The following ERI2 variants were observed in gnomAD, a reference collection of about 807,000 sequenced individuals.
ERI2 encodes the protein ERI1 exoribonuclease family member 2.
ERI2 carries 35 observed loss-of-function variants against 46.8 expected under a neutral mutation model. The ratio of observed to expected loss-of-function variants is 0.75; its 90% CI spans 0.57 to 0.99. The LOEUF is 0.99. ERI2 is among the 50% of genes least tolerant of loss of function. The pLI, the probability that ERI2 is intolerant of heterozygous loss-of-function variation, is 0.00. For synonymous variants in ERI2, 224 were observed against 271.0 expected (o/e 0.83, Z 1.70); for missense variants, 695 against 796.2 (o/e 0.87, Z 1.53).
At chr16:20,780,448 G>A (rs2080327461) in exon 11 of ERI2, 1 of 634,058 alleles carries the variant, frequency 1.6e-6, no homozygotes, top group Non-Finnish European at 2.6e-6. Flanking sequence ...TTTTAAAAAT[G>A]CTTCAATCCT....
Position 20,790,662 on chromosome 16 carries a change from C to A in ERI2, c.815+188G>T. The A allele has an allele frequency of 6.2e-7, 1 of 1,614,144 alleles. No homozygotes were observed. Among genetic ancestry groups the A allele is most frequent in the Non-Finnish European group, 8.5e-7 (1 of 1,179,992 alleles). On this transcript the variant is annotated intron_variant, in intron 9 of 10. Coordinates refer to the ERI2 transcript ENST00000300005. This position sits in a 1 kb window ranked among gnomAD's most constrained non-coding sequence, Gnocchi z 4.0. ...TGGCATTCAAGTTCTACCCAACCGA[C>A]CATTTGGCCTTTTTACTCATTACGT...
chr16:20,801,091 C>T (rs1177931482), intron 5 of ERI2, 112 bp downstream of exon 5: 1 of 1,034,314 alleles, frequency 9.7e-7, no homozygotes, highest in East Asian at 2.9e-5. Context: ...TTTTCCTAGC[C>T]CAGAAGATTA....
intron 10 of ERI2, among the ~76,000 whole-genome samples, chr16:20,785,900 AT>A (rs1395284915): frequency 2.0e-5 from 3 of 152,214 alleles, no homozygotes; most frequent in African/African-American, 7.2e-5. Flanking sequence ...TTATAACTAT[AT>A]TTTATACATA....
At chr16:20,793,830 C>T (rs918014275), downstream of ERI2, among the ~76,000 whole-genome samples, 3 of 152,190 alleles carry the variant, frequency 2.0e-5, no homozygotes, top group Admixed American at 2.0e-4. Context: ...CATTAGTCAT[C>T]ATCAGTTTTA....
At chr16:20,780,253 C>A in exon 11 of ERI2, 1 of 197,282 alleles carries the variant, frequency 5.1e-6, no homozygotes, top group Non-Finnish European at 1.1e-5. Context: ...TGCCAGTAGG[C>A]TGTAGTGTGT....
At chr16:20,804,490 C>A (rs1048304221) in intron 1 of ERI2, among the ~76,000 whole-genome samples, 1 of 151,874 alleles carries the variant, frequency 6.6e-6, no homozygotes, top group African/African-American at 2.4e-5. Context: ...CATGGTGAAA[C>A]CCCGTCTCTA....
rs780958509 is a variant in ERI2 at position 20,799,066 on chromosome 16, A to C, written c.734T>G (p.Val245Gly). The C allele has an allele frequency of 1.4e-5, 21 of 1,500,644 alleles. No individual in the cohort carries two copies. The highest frequency in any genetic ancestry group is 1.9e-5 in the Non-Finnish European group (21 of 1,129,058). 93.0% of individuals were successfully genotyped at this position (1,500,644 alleles called of 1,614,324 possible). A position where few individuals can be genotyped will look rare whatever the true frequency, so the allele number is the denominator to read the frequency against. The stretch of plus-strand genomic sequence containing the variant: ...AATGCTGAAATTCTTCTTAGTGGGA[A>C]CCTATGATTCCACAGACAAATGCAA... ...VMKITRSLNK[V>G]PTKKNFSILA... The change falls in exon 9 of 9, where the codon GTT becomes GGT. Residue 245 changes from valine to glycine, a missense_variant and splice_region_variant. By Grantham distance (109) the Val-to-Gly change is moderately radical. Transcript: ENST00000357967.
Position 20,797,971 on chromosome 16 carries a change from T to C in ERI2, c.1829A>G (p.Asn610Ser). 2 of 1,551,992 alleles carry C rather than the reference T, an allele frequency of 1.3e-6. No homozygotes were observed. The highest frequency in any genetic ancestry group is 1.7e-6 in the Non-Finnish European group (2 of 1,146,978). Residue 610 changes from asparagine (N) to serine (S), a missense_variant, in exon 9 of 9, where the codon AAT (asparagine) becomes AGT (serine). By Grantham distance (46) the Asn-to-Ser change is conservative. Transcript: ENST00000357967. Reference sequence around the variant, plus strand: ...GACTTTTCCATGGTTCGGTCCATTATTAGAAACAACAAGTCTCTTAGATCT... The same window carrying C: ...GACTTTTCCATGGTTCGGTCCATTACTAGAAACAACAAGTCTCTTAGATCT... Reference protein sequence around the residue: ...GRRSKRLVVSNNGPNHGKVFY... With the variant: ...GRRSKRLVVSSNGPNHGKVFY...
intron 10 of ERI2, among the ~76,000 whole-genome samples, chr16:20,789,248 T>C (rs77688657): frequency 0.05 from 7,562 of 152,278 alleles, 417 homozygotes; most frequent in African/African-American, 0.13. Context: ...AGCTCAATCA[T>C]GCACAGTGTT....
At chr16:20,793,470 A>AAAAAAT (rs56924318), downstream of ERI2, among the ~76,000 whole-genome samples, 1 of 151,662 alleles carries the variant, frequency 6.6e-6, no homozygotes, top group African/African-American at 2.4e-5. Context: ...CTCCGCCTCA[A>AAAAAAT]AAAAATAAAA....
rs2080745794 is a variant in ERI2 at position 20,797,631 on chromosome 16, T to C, written c.*93A>G. The C allele has an allele frequency of 3.7e-6, 5 of 1,369,334 alleles. No homozygotes were observed. The highest frequency in any genetic ancestry group is 2.8e-6 in the Non-Finnish European group (3 of 1,060,288). 84.8% of individuals were successfully genotyped at this position (1,369,334 alleles called of 1,614,324 possible). A position where few individuals can be genotyped will look rare whatever the true frequency, so the allele number is the denominator to read the frequency against. ...GTATGGTAAATGCAGTAAACATTAATATATAAAATAAAAATAAAATAGTGT... is the reference window on the plus strand; with the variant it reads ...GTATGGTAAATGCAGTAAACATTAACATATAAAATAAAAATAAAATAGTGT... On this transcript the variant is annotated 3_prime_UTR_variant, in exon 9 of 9. Coordinates refer to ENST00000357967, the MANE Select transcript of ERI2 (RefSeq NM_001142725.2).
At chr16:20,794,424 G>A (rs112153787), downstream of ERI2, among the ~76,000 whole-genome samples, 1,974 of 152,252 alleles carry the variant, frequency 0.013, 46 homozygotes, top group African/African-American at 0.045. Flanking sequence ...CAATGCGATA[G>A]CCATGCATGG....
At chr16:20,789,920 C>T (rs12918516) in intron 9 of ERI2, among the ~76,000 whole-genome samples, 5 of 151,656 alleles carry the variant, frequency 3.3e-5, no homozygotes, top group African/African-American at 1.2e-4. Context: ...GCGATCCACC[C>T]GCCTCGGCCT....
At position 20,801,320 on chromosome 16, in the gene ERI2, A is replaced by T. The variant is rs1217879666; in HGVS notation, c.343T>A (p.Ser115Thr). Residue 115 changes from serine (S) to threonine (T), a missense_variant, in exon 5 of 9, where the codon TCT (serine) becomes ACT (threonine). By Grantham distance (58) the Ser-to-Thr change is moderately conservative (BLOSUM62 1). Transcript: ENST00000357967. ...TTATGAATCCATTTACAGAACTGAG[A>T]TAAGCAAATCTTCAGAGGGACTCCT... is the stretch of plus-strand genomic sequence containing the variant. ...DEGVPLKICL[S>T]QFCKWIHKIQ... 3 of 1,609,454 alleles carry T rather than the reference A, an allele frequency of 1.9e-6. No homozygotes were observed. The African/African-American group carries it at 4.0e-5, about 22-fold the overall frequency.
intron 10 of ERI2, chr16:20,780,811 G>A (rs1300179922): frequency 6.2e-7 from 1 of 1,614,200 alleles, no homozygotes; most frequent in Admixed American, 1.7e-5. Flanking sequence ...GAAAATGACT[G>A]CACACACCCA....
chr16:20,782,581 G>C (rs928257071), intron 10 of ERI2, among the ~76,000 whole-genome samples: 1 of 152,132 alleles, frequency 6.6e-6, no homozygotes. Flanking sequence ...AGTATCCTAT[G>C]ATTTAATTCA....
intron 3 of ERI2, among the ~76,000 whole-genome samples, chr16:20,803,198 CA>C (rs1270970831): frequency 6.6e-6 from 1 of 152,064 alleles, no homozygotes; most frequent in Non-Finnish European, 1.5e-5. Flanking sequence ...TTTGCAAAGG[CA>C]TTTTTTTCAG....
intron 10 of ERI2, chr16:20,784,498 G>A (rs2080425470): frequency 6.6e-6 from 1 of 152,530 alleles, no homozygotes; most frequent in Non-Finnish European, 1.5e-5. Context: ...CTGATTTAAA[G>A]TGTTATTATG....
intron 10 of ERI2, among the ~76,000 whole-genome samples, chr16:20,786,673 A>G (rs182770185): frequency 1.3e-5 from 2 of 152,336 alleles, no homozygotes; most frequent in African/African-American, 2.4e-5. Flanking sequence ...ACAGAGCAAG[A>G]CCCTGTCTCT....
Sources: gnomAD v4.1 joint callset for allele counts (sites outside exome capture counted in the v4.1 genomes callset) on GRCh38, gnomAD v4.1.1 for gene constraint, Gnocchi (gnomAD v3.1) non-coding constraint, MANE v1.5 for transcripts, NCBI Gene and HGNC (gene_info 2026-07-23, HGNC 2026-07-21) for gene names.